CDKAL1: variants seen among roughly 807,000 people sequenced by gnomAD.
CDKAL1 encodes the protein threonylcarbamoyladenosine tRNA methylthiotransferase.
A neutral mutation model predicts 68.2 loss-of-function variants in CDKAL1; 32 were observed. The ratio of observed to expected loss-of-function variants is 0.47; its 90% CI spans 0.35 to 0.63. The LOEUF is 0.63. Among genes scored for constraint, CDKAL1 ranks in the 30% least tolerant of loss-of-function variants. The pLI, the probability that CDKAL1 is intolerant of heterozygous loss-of-function variation, is 0.00. For missense variants in CDKAL1, 606 were observed against 696.7 expected, an observed-to-expected ratio of 0.87 and a Z score of 1.47; for synonymous variants, 234 against 244.3, an observed-to-expected ratio of 0.96 and a Z score of 0.39.
chr6:20,655,853 G>C (rs967628409), intron 5 of CDKAL1, among the ~76,000 whole-genome samples: 1 of 152,186 alleles, frequency 6.6e-6, no homozygotes, highest in African/African-American at 2.4e-5. Context: ...GAGTTATTAA[G>C]AGATGACATG....
intron 5 of CDKAL1, among the ~76,000 whole-genome samples, chr6:20,714,971 G>A (rs957178934): frequency 6.6e-6 from 1 of 152,044 alleles, no homozygotes; most frequent in African/African-American, 2.4e-5. Context: ...TAAGATACGT[G>A]ATCAGACACA....
chr6:20,788,591 G>A (rs1775769951), intron 8 of CDKAL1, among the ~76,000 whole-genome samples: 1 of 152,158 alleles, frequency 6.6e-6, no homozygotes, highest in Admixed American at 6.5e-5. Context: ...GAGTAAATTA[G>A]GTGAGATCTT....
intron 5 of CDKAL1, among the ~76,000 whole-genome samples, chr6:20,660,051 C>T (rs1322148718): frequency 1.3e-5 from 2 of 152,068 alleles, no homozygotes; most frequent in Non-Finnish European, 2.9e-5. Context: ...CCACCCACCC[C>T]ACATTAATCC....
chr6:20,925,986 C>T (rs1046248197), intron 9 of CDKAL1, among the ~76,000 whole-genome samples: 2 of 152,062 alleles, frequency 1.3e-5, no homozygotes, highest in African/African-American at 4.8e-5. Flanking sequence ...ATTGGTACAT[C>T]TTTCAAGATA....
chr6:20,751,474 A>G (rs1266475096), intron 6 of CDKAL1, among the ~76,000 whole-genome samples: 1 of 152,236 alleles, frequency 6.6e-6, no homozygotes, highest in African/African-American at 2.4e-5. Context: ...TGACTATCAT[A>G]GTGGATGGCA....
At chr6:20,952,802 A>G (rs1301423273) in intron 9 of CDKAL1, among the ~76,000 whole-genome samples, 2 of 151,890 alleles carry the variant, frequency 1.3e-5, no homozygotes, top group Non-Finnish European at 2.9e-5. Context: ...TGCCTGTGCT[A>G]TGACTAATCA....
Position 20,826,870 on chromosome 6 carries a change from A to C in CDKAL1, c.639-19205A>C, listed in dbSNP as rs1777523245. Among the ~76,000 whole-genome samples the C allele has an allele frequency of 2.0e-5, 3 of 152,256 alleles. No individual in the cohort carries two copies. In the South Asian group the frequency reaches 6.2e-4, roughly 32 times the overall value. On this transcript the variant is annotated intron_variant, in intron 8 of 15. Transcript: ENST00000274695. ...TTGTTTTTATACTTGTATATTGTTC[A>C]CAAAATTAGCAAAAGACTTAAGATA...
intron 15 of CDKAL1, among the ~76,000 whole-genome samples, chr6:21,221,166 C>CA (rs754718561): frequency 3.3e-5 from 5 of 151,902 alleles, no homozygotes; most frequent in Middle Eastern, 3.2e-3. Context: ...GACTCTATCT[C>CA]AAAAAATAAA....
At chr6:21,137,622 A>G (rs1172752706) in intron 13 of CDKAL1, among the ~76,000 whole-genome samples, 1 of 152,190 alleles carries the variant, frequency 6.6e-6, no homozygotes, top group Non-Finnish European at 1.5e-5. Context: ...TTTTTAAAAC[A>G]ATCATTTCAT....
intron 13 of CDKAL1, among the ~76,000 whole-genome samples, chr6:21,165,651 T>C (rs1777121876): frequency 6.6e-6 from 1 of 152,226 alleles, no homozygotes; most frequent in East Asian, 1.9e-4. Context: ...TTCCATTTCA[T>C]TCAACCAAAG....
chr6:21,044,487 CA>C (rs755441602), intron 11 of CDKAL1, among the ~76,000 whole-genome samples: 101 of 152,290 alleles, frequency 6.6e-4, no homozygotes, highest in Non-Finnish European at 1.3e-3. Context: ...TGGTCACAGA[CA>C]AAACTTTCTC....
intron 12 of CDKAL1, among the ~76,000 whole-genome samples, chr6:21,076,096 T>G (rs1198274107): frequency 1.3e-5 from 2 of 152,128 alleles, no homozygotes; most frequent in Admixed American, 1.3e-4. Context: ...ACTTTTACCC[T>G]TAAGAAAGAA....
intron 4 of CDKAL1, among the ~76,000 whole-genome samples, chr6:20,570,461 C>T (rs968833264): frequency 2.0e-5 from 3 of 151,874 alleles, no homozygotes; most frequent in East Asian, 1.9e-4. Flanking sequence ...AGTGCAGTGG[C>T]GTGATCTCAG....
In CDKAL1 at chr6:20,711,771, G is replaced by A. The variant is rs954924163; in HGVS notation, c.372-27748G>A. Among the ~76,000 whole-genome samples the A allele has an allele frequency of 1.6e-4, 25 of 152,116 alleles. 1 individual carries two copies. Among genetic ancestry groups the A allele is most frequent in the Admixed American group, 1.6e-3 (24 of 15,270 alleles). On this transcript the variant is annotated intron_variant, in intron 5 of 15. Transcript: ENST00000274695. ...TTCTTAGTTTGTTTGTGGTATCTTC[G>A]TTTGAGTGGTGATATTGCTGTAATA... is the stretch of plus-strand genomic sequence containing the variant.
At chr6:20,830,361 T>C (rs1465760648) in intron 8 of CDKAL1, among the ~76,000 whole-genome samples, 3 of 152,214 alleles carry the variant, frequency 2.0e-5, no homozygotes, top group African/African-American at 7.2e-5. Context: ...TTTATAGCAC[T>C]TTACAATGAT....
At chr6:21,180,775 A>C (rs1777758026) in intron 13 of CDKAL1, among the ~76,000 whole-genome samples, 2 of 152,120 alleles carry the variant, frequency 1.3e-5, no homozygotes, top group Non-Finnish European at 2.9e-5. Flanking sequence ...TCTGTTTGTG[A>C]TCTGGTAAGA....
intron 13 of CDKAL1, among the ~76,000 whole-genome samples, chr6:21,165,516 A>G (rs908426879): frequency 3.9e-5 from 6 of 152,348 alleles, no homozygotes; most frequent in Middle Eastern, 3.4e-3. Flanking sequence ...ATAATTATCC[A>G]TCTCCTTCAT....
At chr6:20,977,768 T>A (rs1193066621) in intron 10 of CDKAL1, among the ~76,000 whole-genome samples, 1 of 152,024 alleles carries the variant, frequency 6.6e-6, no homozygotes. Context: ...GTCCCAGCTA[T>A]TCTGAAGACT....
rs1171517133 is a variant in CDKAL1 at position 21,113,310 on chromosome 6, AAGGT to A, written c.1299+4851_1299+4854del. On this transcript the variant is annotated intron_variant, in intron 13 of 15. Coordinates refer to ENST00000274695, the MANE Select transcript of CDKAL1 (RefSeq NM_017774.3). ...GTCTCAGGAACTGCTGCTTCTTAAT[AAGGT>A]AGGGTAAATGAAGTATTACTACAGA... Among the ~76,000 whole-genome samples, 3 of 152,122 alleles carry A rather than the reference AAGGT, an allele frequency of 2.0e-5. No homozygotes were observed. The East Asian group carries it at 5.8e-4, about 29-fold the overall frequency.
Sources: allele counts gnomAD v4.1 joint callset (sites outside exome capture counted in the v4.1 genomes callset), GRCh38; gene constraint gnomAD v4.1.1; transcripts MANE v1.5; gene names NCBI Gene and HGNC (gene_info 2026-07-23, HGNC 2026-07-21).